TAFA4: variants seen among roughly 807,000 people sequenced by gnomAD.
The protein encoded by TAFA4 is TAFA chemokine like family member 4, also known as chemokine-like protein TAFA-4.
In TAFA4, 20 loss-of-function variants were observed where a neutral mutation model predicts 21.1. That is an observed-to-expected ratio of 0.95 (90% CI 0.67 to 1.38). The LOEUF is 1.38. TAFA4 is among the 40% of genes most tolerant of loss of function. The pLI is 0.00. For missense variants in TAFA4, 211 were observed against 180.9 expected (o/e 1.17, Z -0.95); for synonymous variants, 71 against 67.4 (o/e 1.05, Z -0.26).
chr3:68,893,415 T>C (rs2089753211), intron 1 of TAFA4, among the ~76,000 whole-genome samples: 1 of 152,202 alleles, frequency 6.6e-6, no homozygotes, highest in Non-Finnish European at 1.5e-5. Context: ...CCCCAGCTGC[T>C]AGTATAATAT....
Position 68,885,217 on chromosome 3 carries a change from T to C in TAFA4, c.-29A>G. 1.2e-6 allele frequency: 2 copies of C among 1,609,338 alleles called. No homozygotes were observed. Among genetic ancestry groups the C allele is most frequent in the Non-Finnish European group, 1.7e-6 (2 of 1,177,502 alleles). On this transcript the variant is annotated 5_prime_UTR_variant, in exon 2 of 6. Transcript: ENST00000295569. ...ATGTGGTTCTAGTCAAACACACTTA[T>C]TCCAGGATATATTTCAGAGTGACTC...
chr3:68,734,442 T>TCTATACAGGATGTCAA lies in TAFA4; in HGVS notation c.412-1305_412-1290dup, dbSNP rs550726942. ...GGCAGGGAGGGTAGAGGGCCGCTCTTCTATACAGGATGTCAAGGAAGGTTG... is the reference window on the plus strand; with the variant it reads ...GGCAGGGAGGGTAGAGGGCCGCTCTTCTATACAGGATGTCAACTATACAGGATGTCAAGGAAGGTTG... On this transcript the variant is annotated intron_variant, in intron 5 of 5. Coordinates refer to ENST00000295569, the MANE Select transcript of TAFA4 (RefSeq NM_182522.5). Among the ~76,000 whole-genome samples, 467 of 152,178 alleles carry TCTATACAGGATGTCAA rather than the reference T, an allele frequency of 3.1e-3. 4 individuals carry two copies. The highest frequency in any genetic ancestry group is 0.011 in the African/African-American group (450 of 41,544).
At chr3:68,878,507 A>G (rs2089579404) in intron 3 of TAFA4, among the ~76,000 whole-genome samples, 1 of 152,296 alleles carries the variant, frequency 6.6e-6, no homozygotes, top group East Asian at 1.9e-4. Flanking sequence ...TGCACAAAAC[A>G]TATTTGCTAC....
intron 1 of TAFA4, among the ~76,000 whole-genome samples, chr3:68,915,126 G>A (rs1333652516): frequency 6.6e-6 from 1 of 152,120 alleles, no homozygotes; most frequent in Non-Finnish European, 1.5e-5. Flanking sequence ...GTCCCATGAA[G>A]TCACCTCCCT....
At chr3:68,870,520 A>G (rs2089469949) in intron 3 of TAFA4, among the ~76,000 whole-genome samples, 1 of 152,174 alleles carries the variant, frequency 6.6e-6, no homozygotes, top group South Asian at 2.1e-4. Context: ...GAGCAGTGGA[A>G]CAGAATACAG....
chr3:68,839,212 A>T (rs1329199764), intron 3 of TAFA4, among the ~76,000 whole-genome samples: 2 of 152,192 alleles, frequency 1.3e-5, no homozygotes, highest in African/African-American at 4.8e-5. Context: ...TGTGTCCTAC[A>T]AAGGAAAATA....
intron 3 of TAFA4, among the ~76,000 whole-genome samples, chr3:68,755,488 G>C (rs560190500): frequency 6.6e-6 from 1 of 152,266 alleles, no homozygotes; most frequent in Admixed American, 6.5e-5. Flanking sequence ...GCATGGCTTA[G>C]GTCACATGTC....
intron 3 of TAFA4, among the ~76,000 whole-genome samples, chr3:68,772,680 G>C (rs554559309): frequency 4.6e-5 from 7 of 152,300 alleles, no homozygotes; most frequent in African/African-American, 1.7e-4. Context: ...GGATTAGAGG[G>C]TTGGAACTTC....
intron 3 of TAFA4, among the ~76,000 whole-genome samples, chr3:68,828,776 G>A (rs1389966899): frequency 6.6e-6 from 1 of 152,070 alleles, no homozygotes; most frequent in African/African-American, 2.4e-5. Flanking sequence ...GGAGATTTTG[G>A]GCTGAGACGA....
chr3:68,816,896 C>T (rs556342467), intron 3 of TAFA4, among the ~76,000 whole-genome samples: 1 of 152,194 alleles, frequency 6.6e-6, no homozygotes, highest in South Asian at 2.1e-4. Context: ...ATAATTTGAG[C>T]CTTCAATATG....
At chr3:68,808,058 G>C (rs576248599) in intron 3 of TAFA4, among the ~76,000 whole-genome samples, 116 of 152,240 alleles carry the variant, frequency 7.6e-4, no homozygotes, top group African/African-American at 2.6e-3. Context: ...GCACAGAACA[G>C]TAAAGGAAGT....
intron 3 of TAFA4, among the ~76,000 whole-genome samples, chr3:68,811,285 C>T (rs532778995): frequency 7.2e-5 from 11 of 152,272 alleles, no homozygotes; most frequent in East Asian, 1.9e-4. Flanking sequence ...TCCAAAGGAA[C>T]GCAGCTCCTC....
intron 3 of TAFA4, among the ~76,000 whole-genome samples, chr3:68,759,743 G>C (rs1702726503): frequency 6.6e-6 from 1 of 152,148 alleles, no homozygotes; most frequent in African/African-American, 2.4e-5. Flanking sequence ...AATTGGAGCA[G>C]GCAAGACTGC....
intron 3 of TAFA4, among the ~76,000 whole-genome samples, chr3:68,796,475 T>A (rs1703455907): frequency 6.6e-6 from 1 of 152,140 alleles, no homozygotes; most frequent in African/African-American, 2.4e-5. Context: ...TCACTATTTT[T>A]AAAATCTATA....
At chr3:68,896,657 G>T (rs1351130005) in intron 1 of TAFA4, among the ~76,000 whole-genome samples, 1 of 152,154 alleles carries the variant, frequency 6.6e-6, no homozygotes, top group African/African-American at 2.4e-5. Flanking sequence ...CTGCTTGTTC[G>T]CAGGCTAAGG....
intron 3 of TAFA4, among the ~76,000 whole-genome samples, chr3:68,880,084 C>T (rs1366018336): frequency 6.7e-6 from 1 of 150,222 alleles, no homozygotes; most frequent in African/African-American, 2.5e-5. Context: ...CACACAAACA[C>T]ACAAACTGAT....
intron 3 of TAFA4, among the ~76,000 whole-genome samples, chr3:68,770,815 A>AC (rs1702942384): frequency 6.6e-6 from 1 of 151,682 alleles, no homozygotes; most frequent in East Asian, 2.0e-4. Flanking sequence ...CGAGGGCTCC[A>AC]CCCTCGGGCC....
chr3:68,836,303 C>T (rs1704522051), intron 3 of TAFA4, among the ~76,000 whole-genome samples: 1 of 152,218 alleles, frequency 6.6e-6, no homozygotes, highest in Non-Finnish European at 1.5e-5. Flanking sequence ...CACAGCTTTA[C>T]TCCAAATGCT....
chr3:68,876,976 C>T (rs547141231), intron 3 of TAFA4, among the ~76,000 whole-genome samples: 6 of 151,852 alleles, frequency 4.0e-5, no homozygotes, highest in Admixed American at 6.6e-5. Context: ...GGCTGAGTCC[C>T]GAAGAGGTTT....
Sources: allele counts gnomAD v4.1 joint callset (sites outside exome capture counted in the v4.1 genomes callset), GRCh38; gene constraint gnomAD v4.1.1; transcripts MANE v1.5; gene names NCBI Gene and HGNC (gene_info 2026-07-23, HGNC 2026-07-21).